Variants in RPH3AL observed in about 807,000 individuals in gnomAD.
The protein encoded by RPH3AL is rab effector Noc2.
In RPH3AL, 38 loss-of-function variants were observed where a neutral mutation model predicts 43.1. The ratio of observed to expected loss-of-function variants is 0.88; its 90% confidence interval spans 0.68 to 1.15. The LOEUF (loss-of-function observed/expected upper bound fraction) is 1.15, where lower values mean the gene tolerates loss of function less well. RPH3AL is among the 50% of genes most tolerant of loss of function. The pLI, the probability that RPH3AL is intolerant of heterozygous loss-of-function variation, is 0.00. For missense variants in RPH3AL, 462 were observed against 423.2 expected, an observed-to-expected ratio of 1.09 and a Z score of -0.81; for synonymous variants, 189 against 176.3, an observed-to-expected ratio of 1.07 and a Z score of -0.57.
intron 6 of RPH3AL, among the ~76,000 whole-genome samples, chr17:279,207 C>A (rs1396447079): frequency 6.6e-6 from 1 of 152,056 alleles, no homozygotes; most frequent in African/African-American, 2.4e-5. Flanking sequence ...ATTAGGAAAC[C>A]AATTACGCCA....
intron 6 of RPH3AL, among the ~76,000 whole-genome samples, chr17:273,012 C>T (rs73971681): frequency 0.11 from 6,555 of 61,536 alleles, 269 homozygotes; most frequent in East Asian, 0.24. Flanking sequence ...CCAGCGAGGG[C>T]GACATCAGGA....
intron 5 of RPH3AL, among the ~76,000 whole-genome samples, chr17:313,886 C>A (rs1598075744): frequency 6.6e-6 from 1 of 152,290 alleles, no homozygotes; most frequent in South Asian, 2.1e-4. Flanking sequence ...CCCTAATACA[C>A]TCCCCTCCCA....
intron 5 of RPH3AL, among the ~76,000 whole-genome samples, chr17:297,650 T>A (rs1176953468): frequency 1.3e-5 from 2 of 152,172 alleles, no homozygotes; most frequent in African/African-American, 4.8e-5. Flanking sequence ...CCACTTTGCT[T>A]GGTGTTTTCC....
intron 8 of RPH3AL, 143 bp downstream of exon 8, chr17:219,480 A>C: frequency 1.8e-6 from 1 of 568,342 alleles, no homozygotes; most frequent in Non-Finnish European, 3.1e-6. Flanking sequence ...TACAGACATA[A>C]GCCACTGTGC....
intron 7 of RPH3AL, among the ~76,000 whole-genome samples, chr17:227,621 GC>G (rs2041136447): frequency 6.6e-6 from 1 of 152,186 alleles, no homozygotes; most frequent in Admixed American, 6.5e-5. Context: ...CCTTGGGTCA[GC>G]CCATGGGTGG....
At chr17:345,184 T>C (rs557078659) in intron 1 of RPH3AL, among the ~76,000 whole-genome samples, 4 of 134,682 alleles carry the variant, frequency 3.0e-5, no homozygotes, top group African/African-American at 1.0e-4. Flanking sequence ...GAGGCTGAGG[T>C]AGGAGGGTCA....
intron 7 of RPH3AL, among the ~76,000 whole-genome samples, chr17:241,957 A>G (rs1390515687): frequency 6.6e-6 from 1 of 152,054 alleles, no homozygotes; most frequent in Non-Finnish European, 1.5e-5. Context: ...TCTCTACTAA[A>G]AATACAAAAA....
intron 1 of RPH3AL, among the ~76,000 whole-genome samples, chr17:337,125 T>TG (rs1301914288): frequency 6.6e-6 from 1 of 151,262 alleles, no homozygotes; most frequent in East Asian, 1.9e-4. Context: ...ACCAATAATT[T>TG]TTTTTTTTGA....
chr17:333,004 A>T lies in RPH3AL; in HGVS notation c.-37+755T>A. 1 of 1,285,248 alleles carries T rather than the reference A, an allele frequency of 7.8e-7. No individual in the cohort carries two copies. Among genetic ancestry groups the T allele is most frequent in the Non-Finnish European group, 1.0e-6 (1 of 985,420 alleles). 79.6% of individuals were successfully genotyped at this position (1,285,248 alleles called of 1,614,324 possible). On this transcript the variant is annotated intron_variant, in intron 2 of 9. Transcript: ENST00000331302. The surrounding 1 kb of genome is among the most constrained non-coding windows in gnomAD (Gnocchi z 4.5). ...AATTCCTAGGGGACAGAGGCTCATC[A>T]GCCCCAGGCAACTTCCTGAGACAGA...
intron 5 of RPH3AL, 93 bp from the exon 6 acceptor site, chr17:281,947 T>A: frequency 2.2e-6 from 2 of 913,806 alleles, no homozygotes; most frequent in Non-Finnish European, 3.6e-6. Flanking sequence ...ACACTTAGCA[T>A]CTTCCAAGGA....
At chr17:261,020 G>C (rs2151571088) in intron 6 of RPH3AL, among the ~76,000 whole-genome samples, 1 of 152,328 alleles carries the variant, frequency 6.6e-6, no homozygotes, top group Middle Eastern at 3.4e-3. Context: ...ACCTGTTTCT[G>C]TGTCTGTTTC....
chr17:269,677 C>T (rs571057959), intron 6 of RPH3AL, among the ~76,000 whole-genome samples: 3 of 152,290 alleles, frequency 2.0e-5, no homozygotes, highest in African/African-American at 4.8e-5. Context: ...GGGGATGAAG[C>T]GAGATGATCA....
intron 6 of RPH3AL, among the ~76,000 whole-genome samples, chr17:262,648 C>T (rs1381698386): frequency 6.6e-6 from 1 of 152,196 alleles, no homozygotes; most frequent in Non-Finnish European, 1.5e-5. Context: ...AAGCTGTTTA[C>T]ATCTCCCCTG....
intron 1 of RPH3AL, 194 bp from the exon 2 acceptor site, chr17:334,128 T>C (rs1300586274): frequency 6.5e-6 from 1 of 153,188 alleles, no homozygotes; most frequent in African/African-American, 2.4e-5. Flanking sequence ...TCCAGCCGAC[T>C]GTTCCCCGCC....
chr17:336,189 C>T (rs545808493), intron 1 of RPH3AL, among the ~76,000 whole-genome samples: 12 of 152,276 alleles, frequency 7.9e-5, no homozygotes, highest in Admixed American at 7.2e-4. Context: ...AGCAACAGCT[C>T]TGACATCTGC....
At chr17:314,683 T>TGACCTGTACTCCCTGTGCC (rs1567507859) in intron 5 of RPH3AL, among the ~76,000 whole-genome samples, 28 of 32,166 alleles carry the variant, frequency 8.7e-4, no homozygotes, top group Non-Finnish European at 1.2e-3. Flanking sequence ...TCTCTGTGAC[T>TGACCTGTACTCCCTGTGCC]CCACCTCCAT....
At chr17:257,724 G>T (rs2042089064) in intron 6 of RPH3AL, among the ~76,000 whole-genome samples, 2 of 57,858 alleles carry the variant, frequency 3.5e-5, no homozygotes, top group Non-Finnish European at 3.6e-5. Flanking sequence ...TCCTATGAGG[G>T]GAGCCGCACG....
intron 6 of RPH3AL, among the ~76,000 whole-genome samples, chr17:272,732 T>C (rs1567603885): frequency 6.7e-6 from 1 of 149,610 alleles, no homozygotes; most frequent in Non-Finnish European, 1.5e-5. Context: ...ATTGAGCACA[T>C]GTACCCTAGA....
At chr17:310,940 T>G (rs12450597) in intron 5 of RPH3AL, among the ~76,000 whole-genome samples, 3,804 of 152,236 alleles carry the variant, frequency 0.025, 79 homozygotes, top group East Asian at 0.076. Flanking sequence ...GCAGTGCCTC[T>G]GCGATCATCT....
Sources: allele counts gnomAD v4.1 joint callset (sites outside exome capture counted in the v4.1 genomes callset), GRCh38; gene constraint gnomAD v4.1.1; non-coding constraint Gnocchi (gnomAD v3.1); transcripts MANE v1.5; gene names NCBI Gene and HGNC (gene_info 2026-07-23, HGNC 2026-07-21).